The following RANBP2 variants were observed in gnomAD, a reference collection of about 807,000 sequenced individuals.
The protein encoded by RANBP2 is RAN binding protein 2, also known as E3 SUMO-protein ligase RanBP2.
A neutral mutation model predicts 303.6 loss-of-function variants in RANBP2; 57 were observed. That is an observed-to-expected ratio of 0.19 (90% CI 0.15 to 0.23). RANBP2 has a LOEUF of 0.23. RANBP2 is among the 10% of genes least tolerant of loss of function. The pLI, the probability that RANBP2 is intolerant of heterozygous loss-of-function variation, is 1.00. For synonymous variants in RANBP2, 1,167 were observed against 1,301.5 expected, an observed-to-expected ratio of 0.90 and a Z score of 2.23; for missense variants, 3,138 against 3,780.8, an observed-to-expected ratio of 0.83 and a Z score of 4.46.
chr2:108,719,541 G>T lies in RANBP2; in HGVS notation c.-66G>T. ...CTGGTTTGCAGGCGCTTTCCTCTTG[G>T]AAGTGGCGACTGCTGCGGGCCTGAG... On this transcript the variant is annotated 5_prime_UTR_variant, in exon 1 of 29. Transcript: ENST00000283195. 1.9e-6 allele frequency: 3 copies of T among 1,560,102 alleles called. No homozygotes were observed. In the South Asian group the frequency reaches 3.5e-5, roughly 18 times the overall value.
the RANBP2 span, among the ~76,000 whole-genome samples, chr2:108,887,482 A>G: frequency 2.0e-5 from 3 of 152,150 alleles, no homozygotes; most frequent in South Asian, 6.2e-4. Flanking sequence ...TATTTTAATG[A>G]TACTAATTTC....
chr2:109,273,180 A>G, the RANBP2 span, among the ~76,000 whole-genome samples: 4 of 152,220 alleles, frequency 2.6e-5, no homozygotes, highest in African/African-American at 9.6e-5. Flanking sequence ...AGTGCTCATT[A>G]ACTAGGAAGA....
At chr2:108,811,247 C>CTCTTTTTTTTTTTTTTTTTTTTTT in the RANBP2 span, among the ~76,000 whole-genome samples, 48 of 113,874 alleles carry the variant, frequency 4.2e-4, 2 homozygotes, top group African/African-American at 1.4e-3. Context: ...TTCTCTCTCT[C>CTCTTTTTTTTTTTTTTTTTTTTTT]TTTTTTTTTT....
the RANBP2 span, chr2:109,616,096 T>G: frequency 6.8e-7 from 1 of 1,469,560 alleles, no homozygotes; most frequent in African/African-American, 1.4e-5. Flanking sequence ...AATGCAAAGG[T>G]TTATTTGTCT....
chr2:109,227,689 T>C, the RANBP2 span, among the ~76,000 whole-genome samples: 1 of 152,222 alleles, frequency 6.6e-6, no homozygotes, highest in South Asian at 2.1e-4. Context: ...CTGTGCTCCC[T>C]GCAGGTCACA....
chr2:109,652,513 G>A, the RANBP2 span, among the ~76,000 whole-genome samples: 1 of 152,076 alleles, frequency 6.6e-6, no homozygotes, highest in African/African-American at 2.4e-5. Flanking sequence ...GTTAAAAAAG[G>A]TTTTGTCTCT....
chr2:108,861,029 T>G, the RANBP2 span, among the ~76,000 whole-genome samples: 4 of 140,456 alleles, frequency 2.8e-5, no homozygotes, highest in Non-Finnish European at 4.6e-5. Flanking sequence ...GGGTTTCAAT[T>G]TCTTCCTGAT....
the RANBP2 span, among the ~76,000 whole-genome samples, chr2:109,183,807 G>A: frequency 6.6e-6 from 1 of 152,150 alleles, no homozygotes; most frequent in Non-Finnish European, 1.5e-5. Context: ...GGCCAAGGGG[G>A]TTAAGTTACC....
the RANBP2 span, among the ~76,000 whole-genome samples, chr2:109,101,706 G>A: frequency 6.6e-6 from 1 of 152,154 alleles, no homozygotes; most frequent in African/African-American, 2.4e-5. Flanking sequence ...GTGGAAGTAG[G>A]GTTGAGAAGA....
chr2:108,764,980 G>C lies in RANBP2; in HGVS notation c.4441G>C (p.Gly1481Arg). 1 of 1,614,120 alleles carries C rather than the reference G, an allele frequency of 6.2e-7. No homozygotes were observed. The highest frequency in any genetic ancestry group is 8.5e-7 in the Non-Finnish European group (1 of 1,179,980). The change falls in exon 20 of 29, where the codon GGA (glycine) becomes CGA (arginine). Residue 1481 changes from glycine (G) to arginine (R), a missense_variant. Coordinates refer to ENST00000283195, the MANE Select transcript of RANBP2 (RefSeq NM_006267.5). ...CAGATCTGTTTTTTCTACAAAGGAA[G>C]GACAGTGGGATTGCAGTGCATGTTT... ...DFRSVFSTKE[G>R]QWDCSACLVQ...
chr2:108,899,681 T>G, the RANBP2 span, among the ~76,000 whole-genome samples: 1 of 152,136 alleles, frequency 6.6e-6, no homozygotes. Context: ...TCATTCAAAC[T>G]GGCAAAATAA....
chr2:109,381,345 T>C, the RANBP2 span, among the ~76,000 whole-genome samples: 88 of 152,318 alleles, frequency 5.8e-4, no homozygotes, highest in African/African-American at 2.0e-3. Context: ...ATATGGACAG[T>C]GCACTTTCCA....
At chr2:109,229,027 A>G in the RANBP2 span, among the ~76,000 whole-genome samples, 2 of 152,244 alleles carry the variant, frequency 1.3e-5, no homozygotes, top group South Asian at 4.1e-4. Flanking sequence ...GCACAGAAAA[A>G]AGGTTTCCAT....
chr2:109,090,765 T>C, the RANBP2 span, among the ~76,000 whole-genome samples: 5 of 152,198 alleles, frequency 3.3e-5, no homozygotes, highest in African/African-American at 4.8e-5. Context: ...AGCGTAGAAC[T>C]ATTAAAAATA....
At chr2:109,144,036 C>T in the RANBP2 span, among the ~76,000 whole-genome samples, 7 of 152,070 alleles carry the variant, frequency 4.6e-5, no homozygotes, top group East Asian at 1.9e-4. Flanking sequence ...AAGGTGGTTA[C>T]GAGGCGCCGG....
chr2:109,429,292 T>A, the RANBP2 span, among the ~76,000 whole-genome samples: 1 of 152,134 alleles, frequency 6.6e-6, no homozygotes, highest in Non-Finnish European at 1.5e-5. Flanking sequence ...CTGCTTTTGG[T>A]GTCCCCTACG....
At chr2:109,537,775 GTC>G in the RANBP2 span, among the ~76,000 whole-genome samples, 47 of 152,210 alleles carry the variant, frequency 3.1e-4, no homozygotes, top group African/African-American at 1.1e-3. Context: ...GCGAAACCCT[GTC>G]TCTACAAAAA....
At chr2:109,171,836 A>T in the RANBP2 span, among the ~76,000 whole-genome samples, 1 of 152,260 alleles carries the variant, frequency 6.6e-6, no homozygotes, top group Non-Finnish European at 1.5e-5. Context: ...CCTGTCATCC[A>T]GGAATGAAGA....
the RANBP2 span, among the ~76,000 whole-genome samples, chr2:109,316,941 C>A: frequency 6.6e-6 from 1 of 152,132 alleles, no homozygotes; most frequent in Non-Finnish European, 1.5e-5. Context: ...CTTAGTAATT[C>A]ATGTTTGAGG....
Sources: gnomAD v4.1 joint callset for allele counts (sites outside exome capture counted in the v4.1 genomes callset) on GRCh38, gnomAD v4.1.1 for gene constraint, MANE v1.5 for transcripts, NCBI Gene and HGNC (gene_info 2026-07-23, HGNC 2026-07-21) for gene names.